Variants in EPS8L2 observed in about 807,000 individuals in gnomAD.
The protein encoded by EPS8L2 is epidermal growth factor receptor kinase substrate 8-like protein 2.
EPS8L2 carries 81 observed loss-of-function variants against 99.4 expected under a neutral mutation model. The observed-to-expected ratio is 0.82, with a 90% CI of 0.68 to 0.98. The LOEUF is 0.98. Ranked by LOEUF, EPS8L2 falls within the 50% of genes least tolerant of loss-of-function variation. The pLI, the probability that EPS8L2 is intolerant of heterozygous loss-of-function variation, is 0.00. For synonymous variants in EPS8L2, 509 were observed against 407.3 expected (o/e 1.25, Z -3.01); for missense variants, 1,155 against 968.8 (o/e 1.19, Z -2.55).
At chr11:723,820 G>C (rs1049074482) in intron 15 of EPS8L2, among the ~76,000 whole-genome samples, 2 of 152,026 alleles carry the variant, frequency 1.3e-5, no homozygotes, top group East Asian at 3.9e-4. Flanking sequence ...GGCACTAGGG[G>C]AGTCCCGTCT....
In EPS8L2 at chr11:725,747, A is replaced by G; in HGVS notation, c.1580A>G (p.Gln527Arg). ...EVLEVLEDGR[Q>R]WWKLRSRSGQ... is the part of the protein sequence containing the mutation. The stretch of plus-strand genomic sequence containing the variant: ...CCGCAGGTGCTGGAGGACGGCCGGC[A>G]GTGGTGGAAGCTGCGCAGCCGCAGC... The change falls in exon 17 of 21, where the codon CAG (glutamine) becomes CGG (arginine). Residue 527 changes from glutamine to arginine, a missense_variant. By Grantham distance (43) the Gln-to-Arg change is conservative. Transcript: ENST00000318562. The G allele has an allele frequency of 7.5e-7, 1 of 1,330,880 alleles. No individual in the cohort carries two copies. Among genetic ancestry groups the G allele is most frequent in the Non-Finnish European group, 9.6e-7 (1 of 1,042,318 alleles). The allele number at this position is 1,330,880 out of a possible 1,614,324, so 82.4% of individuals were successfully genotyped here. A position where few individuals can be genotyped will look rare whatever the true frequency, so the allele number is the denominator to read the frequency against.
rs1314367331 is a variant in EPS8L2 at position 726,346 on chromosome 11, G to C, written c.1796G>C (p.Arg599Pro). ...HMDEVNDELIRKISNIRAQPQ... is the reference protein window; with the variant it reads ...HMDEVNDELIPKISNIRAQPQ... ...GACGAGGTCAACGACGAGCTCATCCGGAAAATCAGCAACATCAGGGCGCAG... is the reference window on the plus strand; with the variant it reads ...GACGAGGTCAACGACGAGCTCATCCCGAAAATCAGCAACATCAGGGCGCAG... The change falls in exon 19 of 21, where the codon CGG becomes CCG. Residue 599 changes from arginine to proline, a missense_variant. Coordinates refer to ENST00000318562, the MANE Select transcript of EPS8L2 (RefSeq NM_022772.4). 2 of 1,610,882 alleles carry C rather than the reference G, an allele frequency of 1.2e-6. No individual in the cohort carries two copies.
intron 4 of EPS8L2, among the ~76,000 whole-genome samples, chr11:712,773 G>A (rs1360239562): frequency 6.6e-6 from 1 of 152,230 alleles, no homozygotes; most frequent in Non-Finnish European, 1.5e-5. Context: ...GGGCTGTTTT[G>A]GGTGACCAGG....
chr11:720,978 G>GCCGGTAGGGGAGGGGAGGAGC, intron 7 of EPS8L2, 69 bp downstream of exon 7: 3 of 1,097,670 alleles, frequency 2.7e-6, no homozygotes, highest in Non-Finnish European at 3.7e-6. Flanking sequence ...GAGGGGAGGA[G>GCCGGTAGGGGAGGGGAGGAGC]CCGGCAGGGG....
At chr11:714,069 T>C (rs1182256540) in intron 4 of EPS8L2, among the ~76,000 whole-genome samples, 1 of 152,218 alleles carries the variant, frequency 6.6e-6, no homozygotes, top group African/African-American at 2.4e-5. Context: ...TTAATTTTTA[T>C]GATGTCCATT....
chr11:722,241 T>TTGGGGC, intron 12 of EPS8L2, 76 bp downstream of exon 12: 1 of 1,562,214 alleles, frequency 6.4e-7, no homozygotes, highest in East Asian at 2.3e-5. Context: ...GGGGTCGGGG[T>TTGGGGC]TGGGGCAGCA....
intron 4 of EPS8L2, among the ~76,000 whole-genome samples, chr11:718,657 T>A (rs1287554904): frequency 3.3e-5 from 5 of 150,304 alleles, no homozygotes; most frequent in African/African-American, 7.4e-5. Flanking sequence ...GCTAATTTTT[T>A]AATTTTTTTA....
At chr11:710,514 G>C in intron 4 of EPS8L2, 28 bp downstream of exon 4, 1 of 1,602,096 alleles carries the variant, frequency 6.2e-7, no homozygotes, top group South Asian at 1.1e-5. Context: ...GGTAGGCTCC[G>C]CCCCCAGGGA....
At position 710,462 on chromosome 11, in the gene EPS8L2, C is replaced by A. The variant is rs200967975; in HGVS notation, c.141C>A (p.His47Gln). The change falls in exon 4 of 21, where the codon CAC becomes CAA. Residue 47 changes from histidine (H) to glutamine (Q), a missense_variant. Transcript: ENST00000318562. ...ATTCCAACTCCAACGTCATCATGCA[C>A]GAGACCTCGCAGTACCACGTCCAGG... ...KKYSNSNVIMHETSQYHVQHL... is the reference protein window; with the variant it reads ...KKYSNSNVIMQETSQYHVQHL... 6.2e-7 allele frequency: 1 copy of A among 1,613,746 alleles called. No individual in the cohort carries two copies. The highest frequency in any genetic ancestry group is 1.7e-5 in the Admixed American group (1 of 60,028).
At chr11:723,452 T>C (rs1862243196) in intron 15 of EPS8L2, 99 bp downstream of exon 15, 2 of 526,086 alleles carry the variant, frequency 3.8e-6, no homozygotes, top group African/African-American at 2.0e-5. Flanking sequence ...TGGTGGCAAG[T>C]GCATTGTTCA....
chr11:716,021 G>A (rs1190472549), intron 4 of EPS8L2, among the ~76,000 whole-genome samples: 3 of 142,962 alleles, frequency 2.1e-5, no homozygotes, highest in Non-Finnish European at 4.5e-5. Context: ...CACCCAGGCT[G>A]GAGTGCACTG....
chr11:722,019 C>G, intron 11 of EPS8L2, 28 bp downstream of exon 11: 1 of 1,607,632 alleles, frequency 6.2e-7, no homozygotes, highest in Non-Finnish European at 8.5e-7. Context: ...AGCCCTGCCC[C>G]ACTGTCTGTG....
intron 3 of EPS8L2, 185 bp from the exon 4 acceptor site, chr11:710,237 C>A: frequency 3.3e-6 from 2 of 610,534 alleles, no homozygotes; most frequent in Admixed American, 2.6e-5. Context: ...GGGGGCTTCC[C>A]TGGAGGGAGG....
intron 11 of EPS8L2, 23 bp downstream of exon 11, chr11:722,014 T>G: frequency 1.2e-6 from 2 of 1,606,190 alleles, no homozygotes; most frequent in Admixed American, 3.4e-5. Context: ...GCCCCAGCCC[T>G]GCCCCACTGT....
intron 4 of EPS8L2, among the ~76,000 whole-genome samples, chr11:713,136 T>C (rs1208942938): frequency 1.3e-5 from 2 of 152,050 alleles, no homozygotes; most frequent in African/African-American, 4.8e-5. Context: ...TGGTGGGAAG[T>C]CTCTCCAGCC....
chr11:720,831 C>A lies in EPS8L2; in HGVS notation c.479C>A (p.Ala160Glu). The change falls in exon 7 of 21, where the codon GCA becomes GAA. Residue 160 changes from alanine to glutamate, a missense_variant and splice_region_variant. Transcript: ENST00000318562. ...GCCGCCTGACGCCCGCTTTCCCAGGCAGAGCTGGTGCACGAGGACATCGAG... is the reference window on the plus strand; with the variant it reads ...GCCGCCTGACGCCCGCTTTCCCAGGAAGAGCTGGTGCACGAGGACATCGAG... ...VHFFHCDEVE[A>E]ELVHEDIESA... 1 of 1,542,870 alleles carries A rather than the reference C, an allele frequency of 6.5e-7. No homozygotes were observed. The highest frequency in any genetic ancestry group is 2.4e-5 in the East Asian group (1 of 40,838).
Position 710,499 on chromosome 11 carries a change from C to T in EPS8L2, c.165+13C>T. ...GTACCACGTCCAGGTAAGGCCCCGC[C>T]CCCAGGTAGGCTCCGCCCCCAGGGA... On this transcript the variant is annotated intron_variant, in intron 4 of 20. Coordinates refer to ENST00000318562, the MANE Select transcript of EPS8L2 (RefSeq NM_022772.4). The T allele has an allele frequency of 6.2e-7, 1 of 1,612,610 alleles. No homozygotes were observed. Among genetic ancestry groups the T allele is most frequent in the South Asian group, 1.1e-5 (1 of 91,060 alleles).
Position 725,823 on chromosome 11 carries a change from G to A in EPS8L2, c.1656G>A (p.Glu552=). Residue 552 remains glutamate, a synonymous_variant, in exon 17 of 21, where the codon GAG becomes GAA. Transcript: ENST00000318562. ...ACATCCTAGGCGAGGCGCGACCGGA[G>A]GACGCCGGCGCCCCGTTCGAGCAGG... ...PCNILGEARP[E]DAGAPFEQAG... 7.2e-7 allele frequency: 1 copy of A among 1,387,246 alleles called. No individual in the cohort carries two copies. Among genetic ancestry groups the A allele is most frequent in the Non-Finnish European group, 9.3e-7 (1 of 1,075,990 alleles). 85.9% of individuals were successfully genotyped at this position (1,387,246 alleles called of 1,614,324 possible). A position where few individuals can be genotyped will look rare whatever the true frequency, so the allele number is the denominator to read the frequency against.
Position 726,340 on chromosome 11 carries a change from T to C in EPS8L2, c.1790T>C (p.Leu597Pro). Reference sequence around the variant, plus strand: ...CACATGGACGAGGTCAACGACGAGCTCATCCGGAAAATCAGCAACATCAGG... The same window carrying C: ...CACATGGACGAGGTCAACGACGAGCCCATCCGGAAAATCAGCAACATCAGG... ...MQHMDEVNDE[L>P]IRKISNIRAQ... is the part of the protein sequence containing the mutation. The change falls in exon 19 of 21, where the codon CTC (leucine) becomes CCC (proline). Residue 597 changes from leucine to proline, a missense_variant. Transcript: ENST00000318562. 6.2e-7 allele frequency: 1 copy of C among 1,610,662 alleles called. No homozygotes were observed. Among genetic ancestry groups the C allele is most frequent in the Non-Finnish European group, 8.5e-7 (1 of 1,179,188 alleles).
Sources: gnomAD v4.1 joint callset for allele counts (sites outside exome capture counted in the v4.1 genomes callset) on GRCh38, gnomAD v4.1.1 for gene constraint, MANE v1.5 for transcripts, NCBI Gene and HGNC (gene_info 2026-07-23, HGNC 2026-07-21) for gene names.